YPEL3: variants seen among roughly 807,000 people sequenced by gnomAD.
YPEL3 encodes the protein protein yippee-like 3.
Under a neutral mutation model 17.5 loss-of-function variants are expected in YPEL3, and 5 were observed. The ratio of observed to expected loss-of-function variants is 0.29; its 90% CI spans 0.15 to 0.60. YPEL3 has a LOEUF of 0.60. Ranked by LOEUF, YPEL3 falls within the 20% of genes least tolerant of loss-of-function variation. YPEL3 has a pLI of 0.87. For synonymous variants in YPEL3, 87 were observed against 87.2 expected, an observed-to-expected ratio of 1.00 and a Z score of 0.01; for missense variants, 155 against 211.4, an observed-to-expected ratio of 0.73 and a Z score of 1.65.
In YPEL3 at chr16:30,093,522, A is replaced by C. The variant is rs151235673; in HGVS notation, c.385-723T>G. Among the ~76,000 whole-genome samples, 1,328 of 151,896 alleles carry C rather than the reference A, an allele frequency of 8.7e-3. 1 individual carries two copies. The highest frequency in any genetic ancestry group is 0.013 in the Admixed American group (197 of 15,248). On this transcript the variant is annotated intron_variant, in intron 3 of 3. Coordinates refer to ENST00000398841, the MANE Select transcript of YPEL3 (RefSeq NM_031477.5). ...GTGATCCACCTGCCTCAGACTCCCA[A>C]AAGTGCTGGGATTACAGGCGTGAGC...
chr16:30,094,880 C>T lies in YPEL3; in HGVS notation c.293G>A (p.Gly98Glu). ...CAGCAGCACCCGCTCCTCGGCTGGC[C>T]CGCAGCCCACGTTCACCCTGTGGGG... ...LFNSVVNVGC[G>E]PAEERVLLTG... Residue 98 changes from glycine (G) to glutamate (E), a missense_variant, in exon 3 of 4, where the codon GGG (glycine) becomes GAG (glutamate). This residue lies in a region of YPEL3 where 74 missense variants were observed against 134.9 expected (regional missense o/e 0.55). Transcript: ENST00000398841. 6.2e-7 allele frequency: 1 copy of T among 1,612,990 alleles called. No homozygotes were observed. The highest frequency in any genetic ancestry group is 8.5e-7 in the Non-Finnish European group (1 of 1,179,474).
chr16:30,092,477 A>C lies in YPEL3; in HGVS notation c.*233T>G. 3.6e-6 allele frequency: 2 copies of C among 552,378 alleles called. No homozygotes were observed. Among genetic ancestry groups the C allele is most frequent in the East Asian group, 5.9e-5 (2 of 33,994 alleles). 34.2% of individuals were successfully genotyped at this position (552,378 alleles called of 1,614,324 possible). ...TAACTATAGGGCAGGTGGGGCAGGA[A>C]CGGGTTAAAAACGAGATCCAAGCCA... is the stretch of plus-strand genomic sequence containing the variant. On this transcript the variant is annotated 3_prime_UTR_variant, in exon 4 of 4. Coordinates refer to ENST00000398841, the MANE Select transcript of YPEL3 (RefSeq NM_031477.5).
intron 2 of YPEL3, 61 bp from the exon 3 acceptor site, chr16:30,094,958 G>A: frequency 6.3e-7 from 1 of 1,598,582 alleles, no homozygotes; most frequent in Non-Finnish European, 8.6e-7. Context: ...ACCCCCTCAA[G>A]CACTGTGTCT....
At position 30,092,748 on chromosome 16, in the gene YPEL3, C is replaced by A. The variant is rs777945028; in HGVS notation, c.436G>T (p.Glu146Ter). The change falls in exon 4 of 4, where the codon GAA becomes TAA. Residue 146 changes from glutamate (E) to a stop codon, truncating the protein, a stop_gained. Coordinates refer to ENST00000398841, the MANE Select transcript of YPEL3 (RefSeq NM_031477.5). LOFTEE classifies it high-confidence loss of function. ...TTGTCTTTGATCATGTGGTTGAGTT[C>A]AATGATGTACTTCCCCTCTTTGTAC... ...QKYKEGKYII[E>*]LNHMIKDNGW... 1 of 1,614,146 alleles carries A rather than the reference C, an allele frequency of 6.2e-7. No homozygotes were observed. The highest frequency in any genetic ancestry group is 1.7e-5 in the Admixed American group (1 of 60,026).
In YPEL3 at chr16:30,095,196, G is replaced by A; in HGVS notation, c.232-50C>T. The A allele has an allele frequency of 1.9e-6, 3 of 1,613,886 alleles. No homozygotes were observed. Among genetic ancestry groups the A allele is most frequent in the Non-Finnish European group, 2.5e-6 (3 of 1,179,794 alleles). ...GAGGAGGGGGTCAGGGCTGCCGGTG[G>A]GGAGCTGCCAGGCAGCCCCTATAGG... is the stretch of plus-strand genomic sequence containing the variant. On this transcript the variant is annotated intron_variant, in intron 1 of 3. Transcript: ENST00000398841. The surrounding 1 kb of genome is among the most constrained non-coding windows in gnomAD (Gnocchi z 5.4).
chr16:30,092,722 G>T lies in YPEL3; in HGVS notation c.462C>A (p.Asn154Lys), dbSNP rs1405462184. The change falls in exon 4 of 4, where the codon AAC (asparagine) becomes AAA (lysine). Residue 154 changes from asparagine (N) to lysine (K), a missense_variant. By Grantham distance (94) the Asn-to-Lys change is moderately conservative. Around this residue, in one of 3 missense-constraint regions of YPEL3, gnomAD observed 23 missense variants for 16.4 expected, o/e 1.40. Transcript: ENST00000398841. The stretch of plus-strand genomic sequence containing the variant: ...GGGGGAGCGGGGGTCAGTCCCAGCC[G>T]TTGTCTTTGATCATGTGGTTGAGTT... ...IIELNHMIKD[N>K]GWD The T allele has an allele frequency of 6.2e-7, 1 of 1,614,130 alleles. No individual in the cohort carries two copies. The highest frequency in any genetic ancestry group is 8.5e-7 in the Non-Finnish European group (1 of 1,179,986).
Position 30,092,606 on chromosome 16 carries a change from G to C in YPEL3, c.*104C>G. ...TATACAGGAGCTAGATCCGTCCTCT[G>C]CAGGGGCTCTGAGGGTCCAGAGCTC... On this transcript the variant is annotated 3_prime_UTR_variant, in exon 4 of 4. Coordinates refer to ENST00000398841, the MANE Select transcript of YPEL3 (RefSeq NM_031477.5). The C allele has an allele frequency of 9.7e-7, 1 of 1,032,844 alleles. No individual in the cohort carries two copies. The highest frequency in any genetic ancestry group is 1.5e-6 in the Non-Finnish European group (1 of 667,924). 64.0% of individuals were successfully genotyped at this position (1,032,844 alleles called of 1,614,324 possible). A position where few individuals can be genotyped will look rare whatever the true frequency, so the allele number is the denominator to read the frequency against.
intron 3 of YPEL3, chr16:30,094,573 T>C (rs2072772767): frequency 1.7e-6 from 1 of 598,946 alleles, no homozygotes; most frequent in Non-Finnish European, 3.0e-6. Context: ...CCTAACTCTC[T>C]AATGGGGATC....
chr16:30,092,489 C>A lies in YPEL3; in HGVS notation c.*221G>T. 1.8e-6 allele frequency: 1 copy of A among 560,370 alleles called. No homozygotes were observed. The allele number at this position is 560,370 out of a possible 1,614,324, so 34.7% of individuals were successfully genotyped here. On this transcript the variant is annotated 3_prime_UTR_variant, in exon 4 of 4. Coordinates refer to ENST00000398841, the MANE Select transcript of YPEL3 (RefSeq NM_031477.5). ...AGGTGGGGCAGGAACGGGTTAAAAA[C>A]GAGATCCAAGCCAGCCAGATCGCAG...
In YPEL3 at chr16:30,095,556, G is replaced by A. The variant is rs1462404816; in HGVS notation, c.-74C>T. The A allele has an allele frequency of 2.3e-6, 3 of 1,295,026 alleles. No individual in the cohort carries two copies. Among genetic ancestry groups the A allele is most frequent in the Non-Finnish European group, 3.1e-6 (3 of 970,562 alleles). 80.2% of individuals were successfully genotyped at this position (1,295,026 alleles called of 1,614,324 possible). A position where few individuals can be genotyped will look rare whatever the true frequency, so the allele number is the denominator to read the frequency against. ...CTCTCTCCTTTCCCCAGAGCCAGCA[G>A]CCTCTCCGGGGACCAGAGGCGTCTC... On this transcript the variant is annotated 5_prime_UTR_variant, in exon 1 of 4. Coordinates refer to ENST00000398841, the MANE Select transcript of YPEL3 (RefSeq NM_031477.5). The surrounding 1 kb of genome is among the most constrained non-coding windows in gnomAD (Gnocchi z 5.4).
chr16:30,095,193 G>A lies in YPEL3; in HGVS notation c.232-47C>T, dbSNP rs2072779068. 6.2e-7 allele frequency: 1 copy of A among 1,614,060 alleles called. No homozygotes were observed. The highest frequency in any genetic ancestry group is 8.5e-7 in the Non-Finnish European group (1 of 1,179,936). Reference sequence around the variant, plus strand: ...AGAGAGGAGGGGGTCAGGGCTGCCGGTGGGGAGCTGCCAGGCAGCCCCTAT... The same window carrying A: ...AGAGAGGAGGGGGTCAGGGCTGCCGATGGGGAGCTGCCAGGCAGCCCCTAT... On this transcript the variant is annotated intron_variant, in intron 1 of 3. Transcript: ENST00000398841. This position sits in a 1 kb window ranked among gnomAD's most constrained non-coding sequence, Gnocchi z 5.4.
At position 30,095,258 on chromosome 16, in the gene YPEL3, G is replaced by A; in HGVS notation, c.225C>T (p.Ile75=). ...CTGTGGCCTGGTTGGTTACCTTGGA[G>A]ATGAGGTCGTCGTGGTTGGCCAGGT... ...RAHLANHDDL[I]SKSFQGSQGR... Residue 75 remains isoleucine, a synonymous_variant, in exon 1 of 4, where the codon ATC becomes ATT. Coordinates refer to ENST00000398841, the MANE Select transcript of YPEL3 (RefSeq NM_031477.5). This position sits in a 1 kb window ranked among gnomAD's most constrained non-coding sequence, Gnocchi z 5.4. The A allele has an allele frequency of 6.2e-7, 1 of 1,614,184 alleles. No individual in the cohort carries two copies.
chr16:30,092,696 C>A lies in YPEL3; in HGVS notation c.*14G>T, dbSNP rs771542075. The A allele has an allele frequency of 1.9e-6, 3 of 1,613,586 alleles. No homozygotes were observed. The highest frequency in any genetic ancestry group is 1.7e-5 in the Admixed American group (1 of 60,022). On this transcript the variant is annotated 3_prime_UTR_variant, in exon 4 of 4. Coordinates refer to ENST00000398841, the MANE Select transcript of YPEL3 (RefSeq NM_031477.5). Reference sequence around the variant, plus strand: ...CAGGCCGGGCTGGAGCCACATGCGTCGGGGGAGCGGGGGTCAGTCCCAGCC... The same window carrying A: ...CAGGCCGGGCTGGAGCCACATGCGTAGGGGGAGCGGGGGTCAGTCCCAGCC...
intron 3 of YPEL3, among the ~76,000 whole-genome samples, chr16:30,093,356 G>A (rs978699185): frequency 6.6e-6 from 1 of 152,136 alleles, no homozygotes; most frequent in Non-Finnish European, 1.5e-5. Flanking sequence ...TCCGCTTCCC[G>A]GGTTCAAGTG....
chr16:30,093,505 C>A (rs1008977799), intron 3 of YPEL3, among the ~76,000 whole-genome samples: 1 of 152,030 alleles, frequency 6.6e-6, no homozygotes, highest in Non-Finnish European at 1.5e-5. Flanking sequence ...AGGTGATCCA[C>A]CTGCCTCAGA....
At position 30,095,423 on chromosome 16, in the gene YPEL3, G is replaced by A. The variant is rs573254389; in HGVS notation, c.60C>T (p.Ser20=). 3.7e-6 allele frequency: 6 copies of A among 1,605,542 alleles called. No homozygotes were observed. The highest frequency in any genetic ancestry group is 2.2e-5 in the East Asian group (1 of 44,752). Reference sequence around the variant, plus strand: ...GGGGAGCGGCCCACGGGGAGCAGAGGGAGCCCAGTGCCTGCCGGGGAGGGA... The same window carrying A: ...GGGGAGCGGCCCACGGGGAGCAGAGAGAGCCCAGTGCCTGCCGGGGAGGGA... The part of the protein sequence containing the change: ...HLLPPRQALG[S]LCSPWAAPRV... The change falls in exon 1 of 4, where the codon TCC becomes TCT. Residue 20 remains serine, a synonymous_variant. Transcript: ENST00000398841. The surrounding 1 kb of genome is among the most constrained non-coding windows in gnomAD (Gnocchi z 5.4).
Position 30,092,363 on chromosome 16 carries a change from G to A in YPEL3, c.*347C>T. The A allele has an allele frequency of 3.5e-6, 1 of 287,516 alleles. No homozygotes were observed. 17.8% of individuals were successfully genotyped at this position (287,516 alleles called of 1,614,324 possible). ...TGTACAAACGCTACAGAACGAGGGG[G>A]ACAGACACGCGTGGGGTAAGAAGGG... On this transcript the variant is annotated 3_prime_UTR_variant, in exon 4 of 4. Transcript: ENST00000398841.
At chr16:30,092,975 C>T (rs969641291) in intron 3 of YPEL3, among the ~76,000 whole-genome samples, 176 bp from the exon 4 acceptor site, 26 of 152,234 alleles carry the variant, frequency 1.7e-4, no homozygotes, top group African/African-American at 6.3e-4. Context: ...CTCAAAGGTA[C>T]TTTTTTAAGT....
rs1047008678 is a variant in YPEL3 at position 30,095,712 on chromosome 16, G to A, written c.-230C>T. On this transcript the variant is annotated 5_prime_UTR_variant, in exon 1 of 4. Transcript: ENST00000398841. The surrounding 1 kb of genome is among the most constrained non-coding windows in gnomAD (Gnocchi z 5.4). ...CCTGGCAGCTGAAGCTGGAGGAAGG[G>A]GCTTTGGAGGGGCTGGGCTGTCAGT... is the stretch of plus-strand genomic sequence containing the variant. The A allele has an allele frequency of 1.6e-5, 8 of 512,226 alleles. No individual in the cohort carries two copies. In the Admixed American group the frequency reaches 2.4e-4, roughly 16 times the overall value. The allele number at this position is 512,226 out of a possible 1,614,324, so 31.7% of individuals were successfully genotyped here. A position where few individuals can be genotyped will look rare whatever the true frequency, so the allele number is the denominator to read the frequency against.
Sources: gnomAD v4.1 joint callset for allele counts (sites outside exome capture counted in the v4.1 genomes callset) on GRCh38, gnomAD v4.1.1 for gene constraint, gnomAD v4.1.1 regional missense constraint, Gnocchi (gnomAD v3.1) non-coding constraint, MANE v1.5 for transcripts, NCBI Gene and HGNC (gene_info 2026-07-23, HGNC 2026-07-21) for gene names.